LRPPRC: variants seen among roughly 807,000 people sequenced by gnomAD.
The protein encoded by LRPPRC is leucine-rich PPR motif-containing protein, mitochondrial.
In LRPPRC, 120 loss-of-function variants were observed where a neutral mutation model predicts 180.3. The ratio of observed to expected loss-of-function variants is 0.67; its 90% CI spans 0.57 to 0.77. LRPPRC has a LOEUF of 0.77. LRPPRC is among the 30% of genes least tolerant of loss of function. The pLI, the probability that LRPPRC is intolerant of heterozygous loss-of-function variation, is 0.00. For missense variants in LRPPRC, 2,012 were observed against 1,657.2 expected (o/e 1.21, Z -3.72); for synonymous variants, 723 against 600.0 (o/e 1.21, Z -3.00).
chr2:43,924,272 C>T (rs1341214890), intron 27 of LRPPRC, among the ~76,000 whole-genome samples: 1 of 152,042 alleles, frequency 6.6e-6, no homozygotes, highest in Non-Finnish European at 1.5e-5. Context: ...TCCTCTCTAC[C>T]GAAATATCCT....
intron 11 of LRPPRC, among the ~76,000 whole-genome samples, chr2:43,966,107 T>C (rs1673544182): frequency 6.6e-6 from 1 of 152,194 alleles, no homozygotes; most frequent in African/African-American, 2.4e-5. Flanking sequence ...ACATATAGAA[T>C]GGAATATTAT....
chr2:43,962,440 T>C (rs1673386208), intron 12 of LRPPRC, among the ~76,000 whole-genome samples: 1 of 152,236 alleles, frequency 6.6e-6, no homozygotes, highest in Non-Finnish European at 1.5e-5. Flanking sequence ...ATCAAGGTAT[T>C]ACATGAATGA....
At chr2:43,993,646 G>C (rs1280089761) in intron 1 of LRPPRC, among the ~76,000 whole-genome samples, 1 of 151,536 alleles carries the variant, frequency 6.6e-6, no homozygotes, top group African/African-American at 2.4e-5. Flanking sequence ...GAAAAAGAGG[G>C]AACAATCACT....
chr2:43,987,901 T>C lies in LRPPRC; in HGVS notation c.150-5467A>G, dbSNP rs573350676. Among the ~76,000 whole-genome samples the C allele has an allele frequency of 8.6e-4, 131 of 152,204 alleles. 1 individual carries two copies. Among genetic ancestry groups the C allele is most frequent in the Non-Finnish European group, 1.2e-3 (84 of 68,046 alleles). On this transcript the variant is annotated intron_variant, in intron 1 of 37. Coordinates refer to ENST00000260665, the MANE Select transcript of LRPPRC (RefSeq NM_133259.4). Reference sequence around the variant, plus strand: ...GAATATTCTTATCTAGTAATAAATCTAATAAATTAGACCTTTAAAAATATT... The same window carrying C: ...GAATATTCTTATCTAGTAATAAATCCAATAAATTAGACCTTTAAAAATATT...
chr2:43,947,657 A>C lies in LRPPRC; in HGVS notation c.1965+74T>G, dbSNP rs528132388. 5.0e-5 allele frequency: 46 copies of C among 925,182 alleles called. 1 individual carries two copies. In the African/African-American group the frequency reaches 6.5e-4, roughly 13 times the overall value. 57.3% of individuals were successfully genotyped at this position (925,182 alleles called of 1,614,324 possible). ...AAAAATGTGAGGAATCACTGGTTTT[A>C]TAAGTACACAATCCAGAATACTCAT... is the stretch of plus-strand genomic sequence containing the variant. On this transcript the variant is annotated intron_variant, in intron 19 of 37. Transcript: ENST00000260665.
At chr2:43,889,264 G>A (rs1259261041) in intron 37 of LRPPRC, among the ~76,000 whole-genome samples, 6 of 125,432 alleles carry the variant, frequency 4.8e-5, no homozygotes, top group Admixed American at 1.0e-4. Context: ...GCAGTGAGCC[G>A]AGACCGTGCC....
Position 43,918,288 on chromosome 2 carries a change from CCTCT to C in LRPPRC, c.3003_3006del (p.Glu1002ValfsTer21), listed in dbSNP as rs1300725076. 1 of 1,612,782 alleles carries C rather than the reference CCTCT, an allele frequency of 6.2e-7. No homozygotes were observed. Among genetic ancestry groups the C allele is most frequent in the Admixed American group, 1.7e-5 (1 of 60,004 alleles). On this transcript the variant is annotated frameshift_variant, in exon 28 of 38. Coordinates refer to ENST00000260665, the MANE Select transcript of LRPPRC (RefSeq NM_133259.4). LOFTEE classifies it high-confidence loss of function. ...ACGTCAAACGGAACTTCCTGGTTAC[CCTCT>C]CTAAGGATTTCTGCTAATAATCTTA...
intron 37 of LRPPRC, among the ~76,000 whole-genome samples, 172 bp downstream of exon 37, chr2:43,889,562 C>CGACT: frequency 6.6e-6 from 1 of 152,032 alleles, no homozygotes; most frequent in East Asian, 1.9e-4. Context: ...CTATGTTCTC[C>CGACT]GACTGCCGCA....
intron 1 of LRPPRC, 133 bp from the exon 2 acceptor site, chr2:43,982,567 T>G: frequency 1.5e-6 from 1 of 682,766 alleles, no homozygotes; most frequent in Non-Finnish European, 2.5e-6. Flanking sequence ...AATAGAGGTA[T>G]GAACTAATGG....
Position 43,899,204 on chromosome 2 carries a change from G to A in LRPPRC, c.3825+15C>T, listed in dbSNP as rs374967275. The A allele has an allele frequency of 2.2e-4, 341 of 1,575,782 alleles. 1 individual carries two copies. Among genetic ancestry groups the A allele is most frequent in the Non-Finnish European group, 2.8e-4 (323 of 1,145,390 alleles). On this transcript the variant is annotated intron_variant, in intron 34 of 37. Transcript: ENST00000260665. ...AGCCTCGAGCCCCACTGCTCCATGA[G>A]TGGAGGGTCATTACCTGTAGGAGAG...
chr2:43,995,541 G>A (rs921222283), intron 1 of LRPPRC, among the ~76,000 whole-genome samples: 2 of 152,244 alleles, frequency 1.3e-5, no homozygotes, highest in Non-Finnish European at 2.9e-5. Context: ...CCCGAGGGCA[G>A]TAAGGTCCAG....
At position 43,991,632 on chromosome 2, in the gene LRPPRC, A is replaced by T. The variant is rs114381743; in HGVS notation, c.149+4167T>A. Reference sequence around the variant, plus strand: ...ATGTGACAAAGCAAGAGTATTTATCACCTCAAAGAGAACAGAGTAAAAGCT... The same window carrying T: ...ATGTGACAAAGCAAGAGTATTTATCTCCTCAAAGAGAACAGAGTAAAAGCT... On this transcript the variant is annotated intron_variant, in intron 1 of 37. Transcript: ENST00000260665. 5.9e-3 allele frequency among the ~76,000 whole-genome samples: 898 copies of T among 152,344 alleles called. 9 individuals carry two copies. Among genetic ancestry groups the T allele is most frequent in the African/African-American group, 0.021 (854 of 41,576 alleles).
At chr2:43,934,388 T>C (rs549374521) in intron 24 of LRPPRC, 92 bp from the exon 25 acceptor site, 1 of 673,134 alleles carries the variant, frequency 1.5e-6, no homozygotes, top group Non-Finnish European at 2.6e-6. Flanking sequence ...ACAAGAAAAA[T>C]TTATTTTAAA....
At chr2:43,934,129 A>G in intron 25 of LRPPRC, 61 bp downstream of exon 25, 1 of 933,338 alleles carries the variant, frequency 1.1e-6, no homozygotes, top group Non-Finnish European at 1.7e-6. Context: ...AAATTTTTAA[A>G]TGTATTCTAA....
intron 2 of LRPPRC, among the ~76,000 whole-genome samples, chr2:43,980,899 T>C (rs545755743): frequency 1.3e-5 from 2 of 152,168 alleles, no homozygotes; most frequent in African/African-American, 2.4e-5. Flanking sequence ...CCAAAACTGA[T>C]TGTAGTGATG....
rs1673246348 is a variant in LRPPRC at position 43,959,346 on chromosome 2, C to T, written c.1582+1195G>A. The T allele has an allele frequency of 2.3e-5, 14 of 608,374 alleles. No homozygotes were observed. In the South Asian group the frequency reaches 2.7e-4, roughly 12 times the overall value. 37.7% of individuals were successfully genotyped at this position (608,374 alleles called of 1,614,324 possible). On this transcript the variant is annotated intron_variant, in intron 13 of 37. Transcript: ENST00000260665. ...TTCATACTGGACACTTTGCCTTTCCCTTACAATATTACAACAAATATTTTA... is the reference window on the plus strand; with the variant it reads ...TTCATACTGGACACTTTGCCTTTCCTTTACAATATTACAACAAATATTTTA...
At position 43,932,123 on chromosome 2, in the gene LRPPRC, CAAAAAAAAAAAAA is replaced by C. The variant is rs746600862; in HGVS notation, c.2736+2054_2736+2066del. On this transcript the variant is annotated intron_variant, in intron 25 of 37. Coordinates refer to ENST00000260665, the MANE Select transcript of LRPPRC (RefSeq NM_133259.4). ...TGGCTAACAAAGCAAGACCCTGTCT[CAAAAAAAAAAAAA>C]AAAAAAAAAAAAAAAAAGACTGGAG... Among the ~76,000 whole-genome samples, 50 of 20,864 alleles carry C rather than the reference CAAAAAAAAAAAAA, an allele frequency of 2.4e-3. 1 individual carries two copies. In the South Asian group the frequency reaches 0.1, roughly 42 times the overall value. The allele number at this position is 20,864 out of a possible 152,430, so 13.7% of individuals were successfully genotyped here.
intron 14 of LRPPRC, among the ~76,000 whole-genome samples, chr2:43,955,647 G>T (rs911944605): frequency 6.6e-6 from 1 of 152,054 alleles, no homozygotes; most frequent in African/African-American, 2.4e-5. Context: ...GGCTACGATG[G>T]GAGGATCGCT....
intron 18 of LRPPRC, 55 bp from the exon 19 acceptor site, chr2:43,947,830 C>T: frequency 8.8e-7 from 1 of 1,132,124 alleles, no homozygotes; most frequent in South Asian, 1.2e-5. Flanking sequence ...AAAAATACAT[C>T]AGCAAACATC....
Sources: gnomAD v4.1 joint callset for allele counts (sites outside exome capture counted in the v4.1 genomes callset) on GRCh38, gnomAD v4.1.1 for gene constraint, MANE v1.5 for transcripts, NCBI Gene and HGNC (gene_info 2026-07-23, HGNC 2026-07-21) for gene names.